The following MCTP1 variants were observed in gnomAD, a reference collection of about 807,000 sequenced individuals.
MCTP1 encodes multiple C2 and transmembrane domain containing 1, also known as multiple C2 and transmembrane domain-containing protein 1.
Under a neutral mutation model 120.6 loss-of-function variants are expected in MCTP1, and 69 were observed. The observed-to-expected ratio is 0.57, with a 90% CI of 0.47 to 0.70. MCTP1 has a LOEUF of 0.70. Ranked by LOEUF, MCTP1 falls within the 30% of genes least tolerant of loss-of-function variation. The pLI is 0.00. For synonymous variants in MCTP1, 529 were observed against 493.1 expected (o/e 1.07, Z -0.96); for missense variants, 1,203 against 1,248.8 (o/e 0.96, Z 0.55).
intron 1 of MCTP1, among the ~76,000 whole-genome samples, chr5:95,111,873 T>C (rs1444812617): frequency 1.3e-5 from 2 of 152,182 alleles, no homozygotes; most frequent in African/African-American, 4.8e-5. Flanking sequence ...TCCCTTTATC[T>C]GTGTACCTTT....
intron 7 of MCTP1, among the ~76,000 whole-genome samples, chr5:94,919,812 C>T (rs1265234605): frequency 2.0e-5 from 3 of 152,202 alleles, no homozygotes; most frequent in African/African-American, 7.2e-5. Flanking sequence ...TGAAGTCCAA[C>T]AAGTGCATTT....
intron 21 of MCTP1, 160 bp from the exon 22 acceptor site, chr5:94,708,769 C>G (rs1010069594): frequency 3.6e-6 from 2 of 553,224 alleles, no homozygotes; most frequent in African/African-American, 3.8e-5. Context: ...TCCAGCTCAA[C>G]TGCTTTTTTT....
At chr5:95,063,731 G>C (rs1296271485) in intron 1 of MCTP1, among the ~76,000 whole-genome samples, 4 of 152,064 alleles carry the variant, frequency 2.6e-5, no homozygotes, top group African/African-American at 7.2e-5. Context: ...TCAGTAGCTG[G>C]GACTACAGGC....
intron 1 of MCTP1, among the ~76,000 whole-genome samples, chr5:95,077,024 C>A (rs948275508): frequency 6.6e-6 from 1 of 152,150 alleles, no homozygotes; most frequent in South Asian, 2.1e-4. Context: ...CTAACTCAAG[C>A]CTTTAGTCAC....
intron 1 of MCTP1, among the ~76,000 whole-genome samples, chr5:95,099,755 C>T (rs904224259): frequency 2.6e-5 from 4 of 151,300 alleles, no homozygotes; most frequent in East Asian, 1.9e-4. Flanking sequence ...CCATTTGACC[C>T]AGCCATCCCA....
chr5:94,953,203 C>T lies in MCTP1; in HGVS notation c.981+16G>A. On this transcript the variant is annotated intron_variant, in intron 3 of 22. Transcript: ENST00000515393. The stretch of plus-strand genomic sequence containing the variant: ...CACATCAGTTTCTATCAGGAAAAAA[C>T]AAATAAATGGCTCACCTTTATATAC... 1 of 1,579,090 alleles carries T rather than the reference C, an allele frequency of 6.3e-7. No individual in the cohort carries two copies. Among genetic ancestry groups the T allele is most frequent in the Non-Finnish European group, 8.6e-7 (1 of 1,166,066 alleles).
At chr5:95,137,333 T>C (rs929267872) in intron 1 of MCTP1, among the ~76,000 whole-genome samples, 2 of 152,246 alleles carry the variant, frequency 1.3e-5, no homozygotes, top group Non-Finnish European at 2.9e-5. Context: ...GCCTCAGCAT[T>C]GTCGTCAATA....
intron 1 of MCTP1, among the ~76,000 whole-genome samples, chr5:95,187,253 T>C (rs1156749346): frequency 6.6e-6 from 1 of 152,176 alleles, no homozygotes; most frequent in Non-Finnish European, 1.5e-5. Context: ...ATATACAAAA[T>C]GGAATACTAT....
intron 19 of MCTP1, among the ~76,000 whole-genome samples, chr5:94,778,361 T>C (rs896658518): frequency 6.6e-6 from 1 of 152,106 alleles, no homozygotes; most frequent in African/African-American, 2.4e-5. Flanking sequence ...GAGATGATGA[T>C]GTAACAGCAT....
At chr5:95,032,033 A>C (rs1194735635) in intron 1 of MCTP1, among the ~76,000 whole-genome samples, 1 of 152,146 alleles carries the variant, frequency 6.6e-6, no homozygotes, top group Admixed American at 6.6e-5. Flanking sequence ...CTCCAACAAG[A>C]AGACTTACCT....
intron 2 of MCTP1, among the ~76,000 whole-genome samples, chr5:95,005,737 A>G (rs1243103706): frequency 2.7e-5 from 4 of 149,250 alleles, no homozygotes; most frequent in Non-Finnish European, 1.5e-5. Flanking sequence ...AGCCTGCAGA[A>G]CCATGAGCCA....
intron 2 of MCTP1, among the ~76,000 whole-genome samples, chr5:94,966,230 C>G (rs1825564364): frequency 1.3e-5 from 2 of 152,090 alleles, no homozygotes; most frequent in African/African-American, 2.4e-5. Flanking sequence ...GACTCCAAGC[C>G]CAATGTTTCT....
intron 1 of MCTP1, among the ~76,000 whole-genome samples, chr5:95,026,200 C>T (rs994691541): frequency 2.6e-5 from 4 of 151,600 alleles, no homozygotes; most frequent in African/African-American, 9.7e-5. Context: ...TTATGGGTTT[C>T]ATGAGATATT....
chr5:95,094,137 T>C (rs1001147404), intron 1 of MCTP1, among the ~76,000 whole-genome samples: 1 of 152,216 alleles, frequency 6.6e-6, no homozygotes, highest in African/African-American at 2.4e-5. Context: ...AAATGACTGA[T>C]GTGACTTAAG....
rs754050603 is a variant in MCTP1 at position 94,707,447 on chromosome 5, T to C, written c.*49A>G. The C allele has an allele frequency of 1.4e-6, 2 of 1,439,300 alleles. No individual in the cohort carries two copies. Among genetic ancestry groups the C allele is most frequent in the South Asian group, 2.4e-5 (2 of 82,820 alleles). The allele number at this position is 1,439,300 out of a possible 1,614,324, so 89.2% of individuals were successfully genotyped here. On this transcript the variant is annotated 3_prime_UTR_variant, in exon 23 of 23. Coordinates refer to ENST00000515393, the MANE Select transcript of MCTP1 (RefSeq NM_024717.7). ...AATGCTGCTGAGGCTGAGGGCTTTTTCTTTTATCTTCCCAAACAGATGCTG... is the reference window on the plus strand; with the variant it reads ...AATGCTGCTGAGGCTGAGGGCTTTTCCTTTTATCTTCCCAAACAGATGCTG...
intron 17 of MCTP1, among the ~76,000 whole-genome samples, chr5:94,829,327 A>G (rs986705471): frequency 1.3e-5 from 2 of 151,350 alleles, no homozygotes; most frequent in Non-Finnish European, 1.5e-5. Context: ...AGTGAGATGA[A>G]CCGGGTACCT....
intron 2 of MCTP1, among the ~76,000 whole-genome samples, chr5:94,977,094 G>C (rs934696695): frequency 3.9e-5 from 6 of 151,978 alleles, no homozygotes; most frequent in African/African-American, 9.7e-5. Context: ...ACAACAAACT[G>C]TTAGAATAAA....
chr5:94,854,131 T>C (rs548173174), intron 17 of MCTP1, among the ~76,000 whole-genome samples: 55 of 152,004 alleles, frequency 3.6e-4, no homozygotes, highest in Non-Finnish European at 4.6e-4. Context: ...AATGGGCCTT[T>C]ACCATAGATT....
In MCTP1 at chr5:95,209,497, A is replaced by G. The variant is rs567136850; in HGVS notation, c.720+74359T>C. Reference sequence around the variant, plus strand: ...ACTCAAAAACTTTCAGAGAATCCCTATAATCCACAGAATTAAGTCAAGATT... The same window carrying G: ...ACTCAAAAACTTTCAGAGAATCCCTGTAATCCACAGAATTAAGTCAAGATT... On this transcript the variant is annotated intron_variant, in intron 1 of 22. Coordinates refer to ENST00000515393, the MANE Select transcript of MCTP1 (RefSeq NM_024717.7). Among the ~76,000 whole-genome samples the G allele has an allele frequency of 3.3e-5, 5 of 152,264 alleles. No homozygotes were observed. The South Asian group carries it at 1.0e-3, about 32-fold the overall frequency.
Sources: allele counts gnomAD v4.1 joint callset (sites outside exome capture counted in the v4.1 genomes callset), GRCh38; gene constraint gnomAD v4.1.1; transcripts MANE v1.5; gene names NCBI Gene and HGNC (gene_info 2026-07-23, HGNC 2026-07-21).